DTHD1: variants seen among roughly 807,000 people sequenced by gnomAD.
The protein encoded by DTHD1 is death domain-containing protein 1.
Under a neutral mutation model 74.8 loss-of-function variants are expected in DTHD1, and 59 were observed. The ratio of observed to expected loss-of-function variants is 0.79; its 90% CI spans 0.64 to 0.98. The LOEUF (loss-of-function observed/expected upper bound fraction) is 0.98, where lower values mean the gene tolerates loss of function less well. Among genes scored for constraint, DTHD1 ranks in the 50% least tolerant of loss-of-function variants. The pLI is 0.00. For synonymous variants in DTHD1, 365 were observed against 371.1 expected (o/e 0.98, Z 0.19); for missense variants, 1,051 against 1,065.4 (o/e 0.99, Z 0.19).
At chr4:36,342,554 G>A (rs1050806414) in intron 9 of DTHD1, among the ~76,000 whole-genome samples, 3 of 152,074 alleles carry the variant, frequency 2.0e-5, no homozygotes, top group Non-Finnish European at 4.4e-5. Flanking sequence ...AACAACAGGT[G>A]AACAGGAGTC....
rs377093636 is a variant in DTHD1 at position 36,290,510 on chromosome 4, T to C, written c.1025T>C (p.Leu342Ser). Reference protein sequence around the residue: ...SSLIVGDNEELVSNVITIECS... With the variant: ...SSLIVGDNEESVSNVITIECS... ...TTAATAGTGGGTGATAATGAAGAGT[T>C]AGTTAGCAACGTCATAACTATTGAA... Residue 342 changes from leucine (L) to serine (S), a missense_variant, in exon 3 of 10, where the codon TTA becomes TCA. Leu to Ser is a moderately radical substitution (Grantham distance 145, BLOSUM62 -2). Coordinates refer to ENST00000639862, the MANE Select transcript of DTHD1 (RefSeq NM_001170700.3). The C allele has an allele frequency of 7.1e-6, 11 of 1,551,684 alleles. No homozygotes were observed. Among genetic ancestry groups the C allele is most frequent in the Non-Finnish European group, 9.6e-6 (11 of 1,146,964 alleles).
chr4:36,332,353 A>T (rs1431242272), intron 8 of DTHD1, among the ~76,000 whole-genome samples: 1 of 152,170 alleles, frequency 6.6e-6, no homozygotes, highest in Non-Finnish European at 1.5e-5. Flanking sequence ...ACAATTTTCC[A>T]GACTTTCCCC....
At chr4:36,335,931 G>A (rs1423968337) in intron 8 of DTHD1, among the ~76,000 whole-genome samples, 1 of 152,186 alleles carries the variant, frequency 6.6e-6, no homozygotes, top group Non-Finnish European at 1.5e-5. Flanking sequence ...CAAGACACTC[G>A]TACCTCTTTC....
intron 8 of DTHD1, among the ~76,000 whole-genome samples, chr4:36,327,740 A>G (rs1005409092): frequency 6.6e-6 from 1 of 152,144 alleles, no homozygotes; most frequent in African/African-American, 2.4e-5. Context: ...TCTATTCCAG[A>G]CTGCTTTTGA....
intron 7 of DTHD1, among the ~76,000 whole-genome samples, chr4:36,312,092 G>C (rs1184996676): frequency 6.6e-6 from 1 of 152,076 alleles, no homozygotes; most frequent in Non-Finnish European, 1.5e-5. Flanking sequence ...GCTACAGCAA[G>C]CTTTCATTCT....
At chr4:36,321,768 GC>G (rs928205075) in intron 8 of DTHD1, among the ~76,000 whole-genome samples, 1 of 152,090 alleles carries the variant, frequency 6.6e-6, no homozygotes, top group South Asian at 2.1e-4. Flanking sequence ...TCATGCCTCT[GC>G]CCCAAACCCT....
At chr4:36,287,163 T>C (rs2109444642) in intron 2 of DTHD1, among the ~76,000 whole-genome samples, 1 of 152,256 alleles carries the variant, frequency 6.6e-6, no homozygotes, top group Middle Eastern at 3.4e-3. Context: ...CAAAGTCTAT[T>C]GTATCATTTT....
intron 2 of DTHD1, among the ~76,000 whole-genome samples, chr4:36,288,138 G>T (rs374355825): frequency 6.6e-6 from 1 of 151,728 alleles, no homozygotes; most frequent in East Asian, 1.9e-4. Flanking sequence ...TTGCTCTTTC[G>T]CCCAGGCTGG....
At chr4:36,303,467 A>AT (rs971931010) in intron 5 of DTHD1, among the ~76,000 whole-genome samples, 2 of 152,086 alleles carry the variant, frequency 1.3e-5, no homozygotes, top group Non-Finnish European at 2.9e-5. Context: ...CTATCTATAT[A>AT]TTTTTTCCTC....
At chr4:36,314,400 C>T (rs945948019) in intron 7 of DTHD1, among the ~76,000 whole-genome samples, 4 of 150,524 alleles carry the variant, frequency 2.7e-5, no homozygotes, top group African/African-American at 7.3e-5. Flanking sequence ...TGGCCAGGTG[C>T]GGTGGCTCAT....
In DTHD1 at chr4:36,339,178, T is replaced by C; in HGVS notation, c.2398+9T>C. Reference sequence around the variant, plus strand: ...TTCTAAGGATCCTGTAGGTGAGGAATATTTGCTTTGTCATCATTATAGTGC... The same window carrying C: ...TTCTAAGGATCCTGTAGGTGAGGAACATTTGCTTTGTCATCATTATAGTGC... On this transcript the variant is annotated intron_variant, in intron 9 of 9. Coordinates refer to ENST00000639862, the MANE Select transcript of DTHD1 (RefSeq NM_001170700.3). 6.5e-7 allele frequency: 1 copy of C among 1,541,166 alleles called. No individual in the cohort carries two copies. The highest frequency in any genetic ancestry group is 1.2e-5 in the South Asian group (1 of 83,502).
At chr4:36,327,369 C>A (rs906521071) in intron 8 of DTHD1, among the ~76,000 whole-genome samples, 1 of 152,068 alleles carries the variant, frequency 6.6e-6, no homozygotes, top group African/African-American at 2.4e-5. Context: ...AGTGACAAAA[C>A]CTGTGGGTAT....
chr4:36,306,270 A>C lies in DTHD1; in HGVS notation c.1723A>C (p.Ser575Arg). ...ATTACTGGGATTCAGAAGCCAAGAC[A>C]GTGGTTGGTGTGGGCTTGATGATGT... The part of the protein sequence containing the change: ...LKLLGFRSQD[S>R]GWCGLDDVVK... Residue 575 changes from serine to arginine, a missense_variant, in exon 6 of 10, where the codon AGT becomes CGT. Ser to Arg is a moderately radical substitution (Grantham distance 110, BLOSUM62 -1). Transcript: ENST00000639862. The C allele has an allele frequency of 6.4e-7, 1 of 1,551,828 alleles. No individual in the cohort carries two copies. Among genetic ancestry groups the C allele is most frequent in the South Asian group, 1.2e-5 (1 of 84,062 alleles).
chr4:36,311,695 T>C (rs10025242), intron 7 of DTHD1: 111,949 of 152,062 alleles, frequency 0.74, 41,959 homozygotes, highest in African/African-American at 0.87. Context: ...TCTCCTACCA[T>C]GGTCACATCC....
At chr4:36,282,396 G>A (rs1338108940) in intron 1 of DTHD1, among the ~76,000 whole-genome samples, 3 of 152,180 alleles carry the variant, frequency 2.0e-5, no homozygotes, top group Non-Finnish European at 4.4e-5. Flanking sequence ...CCAAGACTTA[G>A]AGACAGGAAA....
At chr4:36,288,424 T>TTGGTTTCAGGTCTGATTTTA (rs1156589772) in intron 2 of DTHD1, among the ~76,000 whole-genome samples, 1 of 152,218 alleles carries the variant, frequency 6.6e-6, no homozygotes, top group East Asian at 1.9e-4. Flanking sequence ...AGAACTTTTT[T>TTGGTTTCAGGTCTGATTTTA]TGGTTTCAGG....
chr4:36,332,187 AAAAATAAAATAAAAT>A (rs11269624), intron 8 of DTHD1, among the ~76,000 whole-genome samples: 4,118 of 139,746 alleles, frequency 0.029, 166 homozygotes, highest in Admixed American at 0.1. Context: ...CACTGTCTCA[AAAAATAAAATAAAAT>A]AAAATAAAAT....
At chr4:36,334,784 G>A (rs1218333172) in intron 8 of DTHD1, among the ~76,000 whole-genome samples, 1 of 152,236 alleles carries the variant, frequency 6.6e-6, no homozygotes, top group East Asian at 1.9e-4. Context: ...GGAAATGGTG[G>A]AAGTAATCTT....
In DTHD1 at chr4:36,288,283, A is replaced by G. The variant is rs187142476; in HGVS notation, c.888-2090A>G. ...CAGCTAATTTTTACATCTTTAGTAG[A>G]GACAGGATTTCACCATATTGTTCAG... On this transcript the variant is annotated intron_variant, in intron 2 of 9. Transcript: ENST00000639862. Among the ~76,000 whole-genome samples the G allele has an allele frequency of 2.2e-3, 339 of 152,230 alleles. 1 individual carries two copies. Among genetic ancestry groups the G allele is most frequent in the Non-Finnish European group, 3.0e-3 (201 of 68,012 alleles).
Sources: allele counts gnomAD v4.1 joint callset (sites outside exome capture counted in the v4.1 genomes callset), GRCh38; gene constraint gnomAD v4.1.1; transcripts MANE v1.5; gene names NCBI Gene and HGNC (gene_info 2026-07-23, HGNC 2026-07-21).